WWOX: variants seen among roughly 807,000 people sequenced by gnomAD.
WWOX encodes the protein WW domain containing oxidoreductase, also known as WW domain-containing oxidoreductase.
WWOX carries 69 observed loss-of-function variants against 46.2 expected under a neutral mutation model. That is an observed-to-expected ratio of 1.49 (90% CI 1.23 to 1.82). WWOX has a LOEUF of 1.82. Among genes scored for constraint, WWOX ranks in the 40% most tolerant of loss-of-function variants. The pLI is 0.00. For missense variants in WWOX, 919 were observed against 542.6 expected, an observed-to-expected ratio of 1.69 and a Z score of -6.89; for synonymous variants, 359 against 202.6, an observed-to-expected ratio of 1.77 and a Z score of -6.56.
chr16:78,486,177 A>G (rs986443171), intron 8 of WWOX, among the ~76,000 whole-genome samples: 1 of 152,054 alleles, frequency 6.6e-6, no homozygotes, highest in African/African-American at 2.4e-5. Flanking sequence ...GTTTTGTAGT[A>G]TTTGCTGATT....
At chr16:79,017,053 G>C (rs769392498) in intron 8 of WWOX, 1 of 152,134 alleles carries the variant, frequency 6.6e-6, no homozygotes, top group Non-Finnish European at 1.5e-5. Context: ...AGCACTGAGT[G>C]TAACTCCAGG....
At chr16:78,417,453 C>G (rs950190370) in intron 6 of WWOX, among the ~76,000 whole-genome samples, 4 of 151,890 alleles carry the variant, frequency 2.6e-5, no homozygotes, top group South Asian at 2.1e-4. Context: ...ATATATGTCA[C>G]GTAGGGTTCT....
intron 8 of WWOX, among the ~76,000 whole-genome samples, chr16:78,442,668 T>C (rs2083470453): frequency 6.6e-6 from 1 of 152,140 alleles, no homozygotes; most frequent in African/African-American, 2.4e-5. Context: ...TAATTCTCCC[T>C]GTTAACATTG....
intron 8 of WWOX, among the ~76,000 whole-genome samples, chr16:79,199,053 C>T (rs556449198): frequency 1.3e-3 from 193 of 152,126 alleles, no homozygotes; most frequent in Non-Finnish European, 2.4e-3. Flanking sequence ...GCTTCAGTCC[C>T]CGGTGTTTTT....
chr16:78,536,458 A>G lies in WWOX; in HGVS notation c.1056+103706A>G, dbSNP rs547834108. On this transcript the variant is annotated intron_variant, in intron 8 of 8. Transcript: ENST00000566780. ...AGGCAGGCTGAATGCAGCCTTGCCCACTGAGCTGGGTTCTCTCTGCTTTAG... is the reference window on the plus strand; with the variant it reads ...AGGCAGGCTGAATGCAGCCTTGCCCGCTGAGCTGGGTTCTCTCTGCTTTAG... 3.3e-5 allele frequency among the ~76,000 whole-genome samples: 5 copies of G among 151,908 alleles called. No homozygotes were observed. In the East Asian group the frequency reaches 5.8e-4, roughly 18 times the overall value.
rs142545978 is a variant in WWOX, at chr16:79,083,185, G to C, written c.1057-128423G>C. Reference sequence around the variant, plus strand: ...CTAACACTGCGGTTCCCCTACTTGAGGGCGCAGGTAGGGGCACTTTGCTGC... The same window carrying C: ...CTAACACTGCGGTTCCCCTACTTGACGGCGCAGGTAGGGGCACTTTGCTGC... On this transcript the variant is annotated intron_variant, in intron 8 of 8. Transcript: ENST00000566780. 3.7e-3 allele frequency among the ~76,000 whole-genome samples: 558 copies of C among 152,288 alleles called. 9 individuals carry two copies. The highest frequency in any genetic ancestry group is 0.013 in the African/African-American group (525 of 41,578).
At chr16:78,123,468 G>GTTTTTTTTTT (rs1368575694) in intron 4 of WWOX, 1 of 51,836 alleles carries the variant, frequency 1.9e-5, no homozygotes, top group African/African-American at 8.3e-5. Flanking sequence ...TTTTTTTTTT[G>GTTTTTTTTTT]TTTTTTTGAG....
chr16:78,326,101 C>T (rs991426199), intron 5 of WWOX, among the ~76,000 whole-genome samples: 5 of 152,100 alleles, frequency 3.3e-5, no homozygotes, highest in Admixed American at 2.0e-4. Context: ...TCTTGAGCTC[C>T]CCTCCAGAAG....
chr16:78,364,106 C>T (rs1357120066), intron 5 of WWOX, among the ~76,000 whole-genome samples: 1 of 152,224 alleles, frequency 6.6e-6, no homozygotes, highest in Non-Finnish European at 1.5e-5. Flanking sequence ...CCTTGCCCTT[C>T]CTGGCCTGTG....
intron 5 of WWOX, among the ~76,000 whole-genome samples, chr16:78,371,509 C>T (rs545678911): frequency 1.3e-5 from 2 of 149,162 alleles, no homozygotes; most frequent in African/African-American, 5.1e-5. Flanking sequence ...ACCATTTTAT[C>T]TAAATATTCC....
At chr16:78,244,024 G>A (rs1235672453) in intron 5 of WWOX, among the ~76,000 whole-genome samples, 1 of 152,176 alleles carries the variant, frequency 6.6e-6, no homozygotes, top group Non-Finnish European at 1.5e-5. Context: ...CCCTCTGAAA[G>A]CCCTTCACTG....
intron 8 of WWOX, among the ~76,000 whole-genome samples, chr16:78,493,512 G>T (rs1012935532): frequency 1.6e-4 from 25 of 152,310 alleles, no homozygotes; most frequent in African/African-American, 5.8e-4. Flanking sequence ...ATTGCATTTG[G>T]TCATTCTAGT....
intron 8 of WWOX, among the ~76,000 whole-genome samples, chr16:78,783,701 G>A (rs1183484019): frequency 6.8e-6 from 1 of 146,418 alleles, no homozygotes; most frequent in Non-Finnish European, 1.5e-5. Context: ...TGATGATCAT[G>A]GTGATGAAGA....
chr16:79,172,843 T>C (rs150213242), intron 8 of WWOX, among the ~76,000 whole-genome samples: 158 of 144,940 alleles, frequency 1.1e-3, no homozygotes, highest in African/African-American at 3.7e-3. Flanking sequence ...CAGGGCAATA[T>C]AGACTACCTG....
intron 8 of WWOX, among the ~76,000 whole-genome samples, chr16:78,661,537 G>C (rs1297993433): frequency 6.6e-6 from 1 of 151,904 alleles, no homozygotes; most frequent in African/African-American, 2.4e-5. Context: ...AGCTTTCACC[G>C]CGGCATCTTC....
At chr16:78,552,381 C>G (rs902997778) in intron 8 of WWOX, 2 of 152,222 alleles carry the variant, frequency 1.3e-5, no homozygotes, top group Non-Finnish European at 2.9e-5. Context: ...AATAAAAGCA[C>G]TGACACTTCT....
At chr16:78,845,944 C>G (rs1168402609) in intron 8 of WWOX, among the ~76,000 whole-genome samples, 3 of 140,526 alleles carry the variant, frequency 2.1e-5, no homozygotes, top group Non-Finnish European at 4.4e-5. Flanking sequence ...CCAGTTTTTC[C>G]CATAAAATAA....
At chr16:79,028,526 C>T (rs1156421738) in intron 8 of WWOX, among the ~76,000 whole-genome samples, 2 of 151,692 alleles carry the variant, frequency 1.3e-5, no homozygotes, top group East Asian at 1.9e-4. Context: ...TTCTTCCTCT[C>T]CCTCCCTCCC....
At chr16:78,435,700 A>C (rs2083320343) in intron 8 of WWOX, among the ~76,000 whole-genome samples, 1 of 152,144 alleles carries the variant, frequency 6.6e-6, no homozygotes, top group African/African-American at 2.4e-5. Context: ...AGAAAGTGGC[A>C]ACCTGGGACA....
Sources: allele counts gnomAD v4.1 joint callset (sites outside exome capture counted in the v4.1 genomes callset), GRCh38; gene constraint gnomAD v4.1.1; transcripts MANE v1.5; gene names NCBI Gene and HGNC (gene_info 2026-07-23, HGNC 2026-07-21).